The following TNFAIP3 variants were observed in gnomAD, a reference collection of about 807,000 sequenced individuals.
TNFAIP3 encodes tumor necrosis factor alpha-induced protein 3.
TNFAIP3 carries 9 observed loss-of-function variants against 72.4 expected under a neutral mutation model. That is an observed-to-expected ratio of 0.12 (90% CI 0.07 to 0.22). The LOEUF is 0.22. Among genes scored for constraint, TNFAIP3 ranks in the 10% least tolerant of loss-of-function variants. The pLI, the probability that TNFAIP3 is intolerant of heterozygous loss-of-function variation, is 1.00. For missense variants in TNFAIP3, 833 were observed against 1,018.7 expected (o/e 0.82, Z 2.48); for synonymous variants, 339 against 372.6 (o/e 0.91, Z 1.04).
At position 137,881,086 on chromosome 6, in the gene TNFAIP3, C is replaced by G. The variant is rs369155845; in HGVS notation, c.2140C>G (p.Pro714Ala). Residue 714 changes from proline to alanine, a missense_variant, in exon 9 of 9, where the codon CCC becomes GCC. This residue lies in a region of TNFAIP3 where 587 missense variants were observed against 657.8 expected (regional missense o/e 0.89). Coordinates refer to ENST00000612899, the MANE Select transcript of TNFAIP3 (RefSeq NM_001270508.2). This position sits in a 1 kb window ranked among gnomAD's most constrained non-coding sequence, Gnocchi z 5.0. ...VPRTTQSTSRPKCARASCKNI... is the reference protein window; with the variant it reads ...VPRTTQSTSRAKCARASCKNI... ...TCGAACCACACAAAGCACCTCAAGG[C>G]CCAAGTGCGCCCGGGCCTCCTGCAA... 4 of 1,613,724 alleles carry G rather than the reference C, an allele frequency of 2.5e-6. No homozygotes were observed. The African/African-American group carries it at 5.3e-5, about 22-fold the overall frequency.
chr6:137,880,141 G>T lies in TNFAIP3; in HGVS notation c.1977G>T (p.Gly659=). The T allele has an allele frequency of 6.2e-7, 1 of 1,614,154 alleles. No homozygotes were observed. The highest frequency in any genetic ancestry group is 8.5e-7 in the Non-Finnish European group (1 of 1,180,012). Residue 659 remains glycine, a synonymous_variant, in exon 8 of 9, where the codon GGG becomes GGT. Transcript: ENST00000612899. ...SRFQNTIPCL[G]RECGTLGSTM... is the part of the protein sequence containing the mutation. ...TCCAGAACACCATTCCGTGCCTGGG[G>T]AGGGAATGCGGCACCCTTGGAAGCA...
At chr6:137,873,823 T>C (rs1776141003) in intron 2 of TNFAIP3, among the ~76,000 whole-genome samples, 1 of 152,222 alleles carries the variant, frequency 6.6e-6, no homozygotes, top group African/African-American at 2.4e-5. Context: ...TGAGGGTTTT[T>C]TGGTTTCTTT....
Position 137,871,187 on chromosome 6 carries a change from C to T in TNFAIP3, c.-15-26C>T. 3.4e-6 allele frequency: 4 copies of T among 1,164,028 alleles called. No homozygotes were observed. The highest frequency in any genetic ancestry group is 3.5e-6 in the Non-Finnish European group (3 of 849,266). 72.1% of individuals were successfully genotyped at this position (1,164,028 alleles called of 1,614,324 possible). A position where few individuals can be genotyped will look rare whatever the true frequency, so the allele number is the denominator to read the frequency against. On this transcript the variant is annotated intron_variant, in intron 1 of 8. Transcript: ENST00000612899. The surrounding 1 kb of genome is among the most constrained non-coding windows in gnomAD (Gnocchi z 4.2). ...TATTAAAGTCAGGCTAATAGAATGG[C>T]TTTTTTTTTTTCCTTTCCTTTTCAG...
rs970135894 is a variant in TNFAIP3 at position 137,867,984 on chromosome 6, G to C, written c.-16+442G>C. 20 of 152,820 alleles carry C rather than the reference G, an allele frequency of 1.3e-4. No homozygotes were observed. Among genetic ancestry groups the C allele is most frequent in the African/African-American group, 4.1e-4 (17 of 41,472 alleles). 9.5% of individuals were successfully genotyped at this position (152,820 alleles called of 1,614,324 possible). On this transcript the variant is annotated intron_variant, in intron 1 of 8. Transcript: ENST00000612899. This position sits in a 1 kb window ranked among gnomAD's most constrained non-coding sequence, Gnocchi z 6.0. ...CCAGCCCGACGGGGCGTAGGGTACC[G>C]CAGTGGCCGCCAGCCCGGCGGAGGT...
chr6:137,866,795 G>A (rs1358507138), upstream of TNFAIP3: 2 of 152,400 alleles, frequency 1.3e-5, no homozygotes, highest in Non-Finnish European at 2.9e-5. Flanking sequence ...AGGCCTGCGG[G>A]CCCGGGCGCC....
intron 2 of TNFAIP3, 86 bp from the exon 3 acceptor site, chr6:137,874,759 A>G: frequency 7.5e-7 from 1 of 1,338,394 alleles, no homozygotes; most frequent in Non-Finnish European, 1.0e-6. Flanking sequence ...GAATAGCAGT[A>G]GGGCTGGTTT....
intron 2 of TNFAIP3, 136 bp from the exon 3 acceptor site, chr6:137,874,709 G>A: frequency 1.3e-6 from 1 of 780,708 alleles, no homozygotes; most frequent in Non-Finnish European, 1.9e-6. Context: ...GTTTGCCCTT[G>A]ACTAGGAAAT....
chr6:137,880,168 C>G lies in TNFAIP3; in HGVS notation c.2004C>G (p.Thr668=). 6.2e-7 allele frequency: 1 copy of G among 1,614,100 alleles called. No homozygotes were observed. The highest frequency in any genetic ancestry group is 8.5e-7 in the Non-Finnish European group (1 of 1,180,024). Residue 668 remains threonine, a synonymous_variant, in exon 8 of 9, where the codon ACC becomes ACG. Transcript: ENST00000612899. ...LGRECGTLGS[T]MFEGYCQKCF... Reference sequence around the variant, plus strand: ...GGGAATGCGGCACCCTTGGAAGCACCATGTTTGAAGGATACTGCCAGAAGT... The same window carrying G: ...GGGAATGCGGCACCCTTGGAAGCACGATGTTTGAAGGATACTGCCAGAAGT...
intron 1 of TNFAIP3, among the ~76,000 whole-genome samples, chr6:137,869,803 G>C (rs920028714): frequency 6.6e-6 from 1 of 152,222 alleles, no homozygotes; most frequent in Non-Finnish European, 1.5e-5. Flanking sequence ...TGGCAAATAA[G>C]ATGTTGCAGG....
Position 137,882,526 on chromosome 6 carries a change from G to T in TNFAIP3, c.*1207G>T, listed in dbSNP as rs5029968. ...TCCAAGGTATACATACATATTCATC[G>T]ATGTTTCGTGCTTCTCCTTATGAAA... is the stretch of plus-strand genomic sequence containing the variant. On this transcript the variant is annotated 3_prime_UTR_variant, in exon 9 of 9. Transcript: ENST00000612899. The T allele has an allele frequency of 3.4e-5, 8 of 232,080 alleles. No individual in the cohort carries two copies. Among genetic ancestry groups the T allele is most frequent in the Non-Finnish European group, 6.8e-5 (8 of 117,348 alleles). 14.4% of individuals were successfully genotyped at this position (232,080 alleles called of 1,614,324 possible). A position where few individuals can be genotyped will look rare whatever the true frequency, so the allele number is the denominator to read the frequency against.
intron 3 of TNFAIP3, 31 bp from the exon 4 acceptor site, chr6:137,875,657 T>C (rs1184027198): frequency 6.2e-7 from 1 of 1,613,204 alleles, no homozygotes; most frequent in African/African-American, 1.3e-5. Flanking sequence ...CAGGATACAT[T>C]CAAGCTTTTT....
In TNFAIP3 at chr6:137,877,150, C is replaced by CCTGAAAAT; in HGVS notation, c.881_888dup (p.Glu297LeufsTer5). 6.2e-7 allele frequency: 1 copy of CCTGAAAAT among 1,613,708 alleles called. No individual in the cohort carries two copies. The highest frequency in any genetic ancestry group is 8.5e-7 in the Non-Finnish European group (1 of 1,179,844). ...CTTAAAAGTTCACTTTTTGACAGATCCTGAAAATGAGATGAAGGAGAAGCT... is the reference window on the plus strand; with the variant it reads ...CTTAAAAGTTCACTTTTTGACAGATCCTGAAAATCTGAAAATGAGATGAAGGAGAAGCT... On this transcript the variant is annotated frameshift_variant, in exon 6 of 9. Coordinates refer to ENST00000612899, the MANE Select transcript of TNFAIP3 (RefSeq NM_001270508.2). LOFTEE classifies it high-confidence loss of function.
chr6:137,874,598 C>T (rs1338362008), intron 2 of TNFAIP3, among the ~76,000 whole-genome samples: 1 of 152,174 alleles, frequency 6.6e-6, no homozygotes, highest in African/African-American at 2.4e-5. Flanking sequence ...TAAGCTAGAA[C>T]CAAGGTCCCC....
rs370705859 is a variant in TNFAIP3, at chr6:137,879,139, C to T, written c.1694C>T (p.Ser565Leu). The T allele has an allele frequency of 6.2e-7, 1 of 1,614,166 alleles. No homozygotes were observed. Among genetic ancestry groups the T allele is most frequent in the Non-Finnish European group, 8.5e-7 (1 of 1,180,030 alleles). Residue 565 changes from serine (S) to leucine (L), a missense_variant, in exon 7 of 9, where the codon TCA (serine) becomes TTA (leucine). Physicochemically the swap from Ser to Leu is moderately radical, Grantham distance 145. Transcript: ENST00000612899. ...CCTTCCTGTCACCAGCGTTCCAAGT[C>T]AGATCCCTCGCGGCTCGTCCGGAGC... Reference protein sequence around the residue: ...LPPSCHQRSKSDPSRLVRSPS... With the variant: ...LPPSCHQRSKLDPSRLVRSPS...
chr6:137,870,548 C>A (rs975357097), intron 1 of TNFAIP3, among the ~76,000 whole-genome samples: 1 of 152,142 alleles, frequency 6.6e-6, no homozygotes, highest in Non-Finnish European at 1.5e-5. Context: ...AGAAAACATT[C>A]GGTTTTAACT....
At chr6:137,870,213 A>T (rs1186673746) in intron 1 of TNFAIP3, among the ~76,000 whole-genome samples, 1 of 152,222 alleles carries the variant, frequency 6.6e-6, no homozygotes, top group Non-Finnish European at 1.5e-5. Flanking sequence ...TTGGCAGTTG[A>T]GTTAAAATGA....
rs5029951 is a variant in TNFAIP3 at position 137,877,845 on chromosome 6, C to T, written c.987-587C>T. On this transcript the variant is annotated intron_variant, in intron 6 of 8. Transcript: ENST00000612899. ...AACGCACAACAGATGACAAGGAAGC[C>T]GTAAGAGAATCTGTCTCTCAATGTG... 3.1e-3 allele frequency among the ~76,000 whole-genome samples: 474 copies of T among 152,204 alleles called. 3 individuals are homozygous for T. The highest frequency in any genetic ancestry group is 0.011 in the African/African-American group (452 of 41,514).
At chr6:137,866,814 T>G (rs986065034), upstream of TNFAIP3, 6 of 152,170 alleles carry the variant, frequency 3.9e-5, no homozygotes, top group Admixed American at 3.9e-4. Flanking sequence ...CCAGGGTGGT[T>G]TTTAGGGTTT....
rs587778714 is a variant in TNFAIP3 at position 137,878,809 on chromosome 6, G to T, written c.1364G>T (p.Gly455Val). The T allele has an allele frequency of 1.4e-5, 23 of 1,613,946 alleles. No individual in the cohort carries two copies. The highest frequency in any genetic ancestry group is 2.5e-6 in the Non-Finnish European group (3 of 1,180,036). Residue 455 changes from glycine (G) to valine (V), a missense_variant, in exon 7 of 9, where the codon GGG becomes GTG. This residue lies in a region of TNFAIP3 where 587 missense variants were observed against 657.8 expected (regional missense o/e 0.89). Transcript: ENST00000612899. ...GCGTGGAACCCTGAGGAGTCCACTG[G>T]GGGGCCTCATTCGGCCCCACCGACA... ...PLAWNPEEST[G>V]GPHSAPPTAP...
Sources: gnomAD v4.1 joint callset for allele counts (sites outside exome capture counted in the v4.1 genomes callset) on GRCh38, gnomAD v4.1.1 for gene constraint, gnomAD v4.1.1 regional missense constraint, Gnocchi (gnomAD v3.1) non-coding constraint, MANE v1.5 for transcripts, NCBI Gene and HGNC (gene_info 2026-07-23, HGNC 2026-07-21) for gene names.